The following ADAMTSL3 variants were observed in gnomAD, a reference collection of about 807,000 sequenced individuals.
ADAMTSL3 encodes the protein ADAMTS-like protein 3.
A neutral mutation model predicts 201.7 loss-of-function variants in ADAMTSL3; 128 were observed. That is an observed-to-expected ratio of 0.63 (90% CI 0.55 to 0.73). The LOEUF is 0.73. Ranked by LOEUF, ADAMTSL3 falls within the 30% of genes least tolerant of loss-of-function variation. The pLI is 0.00. For missense variants in ADAMTSL3, 1,990 were observed against 2,119.6 expected (o/e 0.94, Z 1.20); for synonymous variants, 738 against 748.4 (o/e 0.99, Z 0.23).
At position 83,931,438 on chromosome 15, in the gene ADAMTSL3, A is replaced by G. The variant is rs529733385; in HGVS notation, c.2117+7405A>G. The stretch of plus-strand genomic sequence containing the variant: ...AGATGATCATCCTGAAGTCACATCA[A>G]TAAACTTACAAATTTAAGCTGAATT... On this transcript the variant is annotated intron_variant, in intron 17 of 29. Transcript: ENST00000286744. 5.3e-5 allele frequency among the ~76,000 whole-genome samples: 8 copies of G among 152,330 alleles called. No homozygotes were observed. The East Asian group carries it at 1.5e-3, about 29-fold the overall frequency.
At chr15:84,026,818 C>A (rs190692488) in intron 27 of ADAMTSL3, among the ~76,000 whole-genome samples, 1 of 151,922 alleles carries the variant, frequency 6.6e-6, no homozygotes, top group Non-Finnish European at 1.5e-5. Context: ...ATATATAAAA[C>A]TATTGGAAAA....
intron 17 of ADAMTSL3, among the ~76,000 whole-genome samples, chr15:83,934,726 C>A (rs757685309): frequency 1.4e-4 from 22 of 152,142 alleles, no homozygotes; most frequent in Non-Finnish European, 2.4e-4. Context: ...GAAAATTAAA[C>A]TCCTTTCTCC....
intron 15 of ADAMTSL3, among the ~76,000 whole-genome samples, chr15:83,903,954 A>AGGTAGG (rs1258829960): frequency 1.7e-5 from 1 of 57,626 alleles, no homozygotes; most frequent in Non-Finnish European, 3.1e-5. Flanking sequence ...AGAAAAAAGA[A>AGGTAGG]AGAAAGAAAG....
At chr15:83,766,866 G>A (rs1177675668) in intron 3 of ADAMTSL3, among the ~76,000 whole-genome samples, 1 of 152,174 alleles carries the variant, frequency 6.6e-6, no homozygotes, top group Non-Finnish European at 1.5e-5. Flanking sequence ...AGGCCTAGGC[G>A]GGCGGATCAC....
chr15:83,977,071 A>G (rs554974468), intron 20 of ADAMTSL3, among the ~76,000 whole-genome samples: 49 of 152,260 alleles, frequency 3.2e-4, no homozygotes, highest in African/African-American at 1.2e-3. Flanking sequence ...GCGGGAGGCA[A>G]GCAGGCATTA....
intron 23 of ADAMTSL3, among the ~76,000 whole-genome samples, chr15:83,996,648 G>A (rs1323224455): frequency 6.6e-6 from 1 of 151,872 alleles, no homozygotes; most frequent in African/African-American, 2.4e-5. Context: ...GGGCGTGGTG[G>A]TGGGTGCCTG....
intron 28 of ADAMTSL3, among the ~76,000 whole-genome samples, chr15:84,033,627 C>T (rs553562556): frequency 1.9e-4 from 29 of 152,292 alleles, no homozygotes; most frequent in African/African-American, 7.0e-4. Context: ...CCACTGTACT[C>T]CAGCCTGGGC....
chr15:83,962,473 T>C (rs1046857180), intron 19 of ADAMTSL3: 1 of 152,216 alleles, frequency 6.6e-6, no homozygotes, highest in Non-Finnish European at 1.5e-5. Flanking sequence ...CTTTCGGGAA[T>C]TAATCATGGT....
intron 3 of ADAMTSL3, among the ~76,000 whole-genome samples, chr15:83,723,637 C>T (rs1024167434): frequency 2.0e-5 from 3 of 152,068 alleles, no homozygotes; most frequent in Non-Finnish European, 2.9e-5. Context: ...TTTGAAATAA[C>T]AGGAAATGCT....
intron 20 of ADAMTSL3, among the ~76,000 whole-genome samples, chr15:83,971,371 C>T (rs1398249722): frequency 1.3e-5 from 2 of 151,932 alleles, no homozygotes; most frequent in Non-Finnish European, 2.9e-5. Flanking sequence ...TCCTGGCTAA[C>T]ATGGTTAAAC....
chr15:83,994,750 C>G (rs1330187598), intron 23 of ADAMTSL3, among the ~76,000 whole-genome samples: 1 of 148,032 alleles, frequency 6.8e-6, no homozygotes, highest in Admixed American at 6.8e-5. Context: ...GTACAAGCCA[C>G]CATGCCTGGC....
In ADAMTSL3 at chr15:83,740,688, G is replaced by A. The variant is rs2062440649; in HGVS notation, c.190-32835G>A. On this transcript the variant is annotated intron_variant, in intron 3 of 29. Coordinates refer to ENST00000286744, the MANE Select transcript of ADAMTSL3 (RefSeq NM_207517.3). ...GTATACCTCATCAGTATAGCAAAAA[G>A]CTCTTCCTTTGAGAAGACCAATACA... 2.0e-5 allele frequency among the ~76,000 whole-genome samples: 3 copies of A among 152,088 alleles called. No individual in the cohort carries two copies. In the South Asian group the frequency reaches 6.2e-4, roughly 32 times the overall value.
At chr15:83,656,417 A>C (rs1350191113) in intron 2 of ADAMTSL3, among the ~76,000 whole-genome samples, 2 of 152,226 alleles carry the variant, frequency 1.3e-5, no homozygotes, top group African/African-American at 4.8e-5. Context: ...GACAGTGGCA[A>C]AGTGCAGAAC....
At chr15:83,667,178 A>G (rs1441158685) in intron 2 of ADAMTSL3, among the ~76,000 whole-genome samples, 2 of 152,090 alleles carry the variant, frequency 1.3e-5, no homozygotes, top group African/African-American at 2.4e-5. Context: ...CTTTTTAAAT[A>G]TTTAAATCTT....
chr15:83,767,137 A>G (rs1404766401), intron 3 of ADAMTSL3, among the ~76,000 whole-genome samples: 2 of 152,132 alleles, frequency 1.3e-5, no homozygotes, highest in African/African-American at 2.4e-5. Context: ...TTGGACACAC[A>G]TGGTTCTCAA....
chr15:83,748,202 T>A (rs1355087816), intron 3 of ADAMTSL3, among the ~76,000 whole-genome samples: 1 of 152,204 alleles, frequency 6.6e-6, no homozygotes, highest in Non-Finnish European at 1.5e-5. Context: ...CACTCTGCCC[T>A]TAGGGAACTA....
intron 10 of ADAMTSL3, 77 bp from the exon 11 acceptor site, chr15:83,890,030 AGT>A: frequency 2.7e-6 from 4 of 1,474,066 alleles, no homozygotes; most frequent in Non-Finnish European, 3.7e-6. Context: ...GAAAAAAAAA[AGT>A]GTGTGGCAAG....
intron 9 of ADAMTSL3, among the ~76,000 whole-genome samples, chr15:83,871,521 A>G (rs1376859045): frequency 6.6e-6 from 1 of 152,178 alleles, no homozygotes; most frequent in Non-Finnish European, 1.5e-5. Context: ...AGGCGTCTTT[A>G]CTTCGACCTT....
intron 15 of ADAMTSL3, among the ~76,000 whole-genome samples, chr15:83,902,489 C>G (rs1417972658): frequency 2.6e-5 from 4 of 152,118 alleles, no homozygotes; most frequent in Non-Finnish European, 4.4e-5. Context: ...CCAGGATGGT[C>G]TCGATCTCCT....
Sources: gnomAD v4.1 joint callset for allele counts (sites outside exome capture counted in the v4.1 genomes callset) on GRCh38, gnomAD v4.1.1 for gene constraint, MANE v1.5 for transcripts, NCBI Gene and HGNC (gene_info 2026-07-23, HGNC 2026-07-21) for gene names.